XYLT1: variants seen among roughly 807,000 people sequenced by gnomAD.
The protein encoded by XYLT1 is beta-D-xylosyltransferase 1.
XYLT1 carries 36 observed loss-of-function variants against 91.3 expected under a neutral mutation model. That is an observed-to-expected ratio of 0.39 (90% CI 0.30 to 0.52). XYLT1 has a LOEUF of 0.52. Among genes scored for constraint, XYLT1 ranks in the 20% least tolerant of loss-of-function variants. The probability of loss-of-function intolerance (pLI) is 0.68; values close to 1 mark genes in which losing one functional copy is unlikely to be tolerated. For synonymous variants in XYLT1, 588 were observed against 532.0 expected (o/e 1.11, Z -1.45); for missense variants, 1,242 against 1,284.5 (o/e 0.97, Z 0.51).
At chr16:17,462,432 C>T (rs1324256361) in intron 1 of XYLT1, among the ~76,000 whole-genome samples, 1 of 152,210 alleles carries the variant, frequency 6.6e-6, no homozygotes, top group Non-Finnish European at 1.5e-5. Flanking sequence ...CTTTGTGATG[C>T]CTCTGGCTTC....
chr16:17,238,097 T>G (rs950561055), intron 3 of XYLT1, among the ~76,000 whole-genome samples: 2 of 152,170 alleles, frequency 1.3e-5, no homozygotes, highest in Non-Finnish European at 2.9e-5. Flanking sequence ...CCCCTGGCCT[T>G]TCCATTCATC....
chr16:17,165,209 AC>A (rs1048127368), intron 5 of XYLT1, among the ~76,000 whole-genome samples: 1 of 152,238 alleles, frequency 6.6e-6, no homozygotes, highest in African/African-American at 2.4e-5. Context: ...GCATCTATTA[AC>A]CCACTTAATC....
At chr16:17,412,685 C>G (rs750622196) in intron 1 of XYLT1, among the ~76,000 whole-genome samples, 4 of 152,114 alleles carry the variant, frequency 2.6e-5, no homozygotes, top group Non-Finnish European at 4.4e-5. Context: ...GTTTCTTATA[C>G]TAGGTCTCCC....
intron 2 of XYLT1, among the ~76,000 whole-genome samples, chr16:17,357,797 T>C (rs1260760282): frequency 6.6e-6 from 1 of 152,244 alleles, no homozygotes; most frequent in Admixed American, 6.5e-5. Context: ...ACCAGACACC[T>C]GGGTGCGAAT....
chr16:17,252,576 C>A (rs776502415), intron 3 of XYLT1, among the ~76,000 whole-genome samples: 3 of 152,108 alleles, frequency 2.0e-5, no homozygotes, highest in African/African-American at 7.2e-5. Context: ...CAGCTGTCAC[C>A]GAAAAGGGAT....
chr16:17,330,231 G>A (rs1420665124), intron 2 of XYLT1, among the ~76,000 whole-genome samples: 2 of 151,976 alleles, frequency 1.3e-5, no homozygotes, highest in East Asian at 1.9e-4. Flanking sequence ...CAACACACTC[G>A]TGCGTATAAA....
intron 1 of XYLT1, among the ~76,000 whole-genome samples, chr16:17,452,696 G>A (rs2036682597): frequency 6.6e-6 from 1 of 152,124 alleles, no homozygotes; most frequent in African/African-American, 2.4e-5. Context: ...GTCTTTTAGA[G>A]GCTAATTTTC....
chr16:17,110,349 G>A (rs528444134), intron 11 of XYLT1, among the ~76,000 whole-genome samples: 1 of 152,188 alleles, frequency 6.6e-6, no homozygotes, highest in Non-Finnish European at 1.5e-5. Flanking sequence ...TGTTGTGGGA[G>A]GGACCTGGTG....
At chr16:17,157,678 G>A (rs1311114212) in intron 6 of XYLT1, among the ~76,000 whole-genome samples, 2 of 152,202 alleles carry the variant, frequency 1.3e-5, no homozygotes, top group African/African-American at 2.4e-5. Flanking sequence ...CCCAAGCACT[G>A]CCAGGTTCAA....
intron 3 of XYLT1, among the ~76,000 whole-genome samples, chr16:17,244,390 G>A (rs770561114): frequency 6.6e-6 from 1 of 152,184 alleles, no homozygotes; most frequent in Non-Finnish European, 1.5e-5. Context: ...CGTGAAACCT[G>A]AAGAGGGATC....
At chr16:17,189,061 G>A (rs1338949558) in intron 5 of XYLT1, among the ~76,000 whole-genome samples, 1 of 152,194 alleles carries the variant, frequency 6.6e-6, no homozygotes, top group Non-Finnish European at 1.5e-5. Flanking sequence ...AATGGGTAAA[G>A]TCAGAAGGAG....
At chr16:17,239,068 A>G (rs957185723) in intron 3 of XYLT1, among the ~76,000 whole-genome samples, 8 of 152,316 alleles carry the variant, frequency 5.3e-5, no homozygotes, top group African/African-American at 1.9e-4. Context: ...AATTCTGCCA[A>G]ATTTGCCTCC....
chr16:17,390,738 G>C (rs1029070216), intron 1 of XYLT1, among the ~76,000 whole-genome samples: 8 of 152,260 alleles, frequency 5.3e-5, no homozygotes, highest in Middle Eastern at 3.4e-3. Flanking sequence ...AGGTTACAAG[G>C]ATTAAAAGGA....
intron 2 of XYLT1, among the ~76,000 whole-genome samples, chr16:17,319,875 C>T (rs117347507): frequency 0.011 from 1,614 of 152,328 alleles, 13 homozygotes; most frequent in Non-Finnish European, 0.015. Context: ...CTGGCCCCTT[C>T]GTACCTCTCC....
intron 6 of XYLT1, among the ~76,000 whole-genome samples, chr16:17,156,367 C>T (rs1255324501): frequency 2.6e-5 from 4 of 152,234 alleles, no homozygotes; most frequent in Non-Finnish European, 5.9e-5. Context: ...CGAGACACAA[C>T]TTTGCACAAA....
chr16:17,135,563 C>CAAA (rs112216252), intron 8 of XYLT1, among the ~76,000 whole-genome samples: 4,612 of 117,006 alleles, frequency 0.039, 281 homozygotes, highest in African/African-American at 0.13. Flanking sequence ...GAGTGTAGCT[C>CAAA]AAAAAAAAAA....
chr16:17,273,842 T>TTA (rs1220284212), intron 2 of XYLT1, among the ~76,000 whole-genome samples: 1 of 97,686 alleles, frequency 1.0e-5, no homozygotes, highest in Non-Finnish European at 2.1e-5. Context: ...AGAATCTGTC[T>TTA]CAAAAAAAAA....
At chr16:17,461,859 T>C (rs1440769167) in intron 1 of XYLT1, among the ~76,000 whole-genome samples, 1 of 152,228 alleles carries the variant, frequency 6.6e-6, no homozygotes, top group East Asian at 1.9e-4. Flanking sequence ...TAGTTTTCAT[T>C]ATTTCAATCA....
chr16:17,119,089 T>G (rs9933676), intron 10 of XYLT1, among the ~76,000 whole-genome samples: 35,140 of 152,126 alleles, frequency 0.23, 4,693 homozygotes, highest in East Asian at 0.61. Flanking sequence ...TATTTATTCT[T>G]TATCTCCTCC....
Sources: allele counts gnomAD v4.1 joint callset (sites outside exome capture counted in the v4.1 genomes callset), GRCh38; gene constraint gnomAD v4.1.1; transcripts MANE v1.5; gene names NCBI Gene and HGNC (gene_info 2026-07-23, HGNC 2026-07-21).